The following STAU2 variants were observed in gnomAD, a reference collection of about 807,000 sequenced individuals.
STAU2 encodes double-stranded RNA-binding protein Staufen homolog 2.
STAU2 carries 20 observed loss-of-function variants against 65.9 expected under a neutral mutation model. The observed-to-expected ratio is 0.30, with a 90% confidence interval of 0.21 to 0.44. STAU2 has a LOEUF of 0.44. Among genes scored for constraint, STAU2 ranks in the 20% least tolerant of loss-of-function variants. The probability of loss-of-function intolerance (pLI) is 1.00; values close to 1 mark genes in which losing one functional copy is unlikely to be tolerated. For synonymous variants in STAU2, 232 were observed against 233.9 expected (o/e 0.99, Z 0.07); for missense variants, 558 against 683.9 (o/e 0.82, Z 2.05).
At chr8:73,582,677 C>A in intron 12 of STAU2, 93 bp downstream of exon 12, 1 of 1,170,260 alleles carries the variant, frequency 8.5e-7, no homozygotes, top group Non-Finnish European at 1.3e-6. Flanking sequence ...CACAGCCTCT[C>A]AGACCCAGAC....
chr8:73,598,768 A>G (rs895279340), intron 10 of STAU2, among the ~76,000 whole-genome samples: 3 of 152,160 alleles, frequency 2.0e-5, no homozygotes, highest in African/African-American at 7.2e-5. Flanking sequence ...TATATAAGGA[A>G]TCTAAGAAAC....
At chr8:73,562,496 G>C (rs1389904748) in intron 12 of STAU2, among the ~76,000 whole-genome samples, 3 of 152,114 alleles carry the variant, frequency 2.0e-5, no homozygotes, top group Admixed American at 6.6e-5. Context: ...TAGAGAGAGA[G>C]AGAGACTGAG....
chr8:73,559,310 T>C (rs1162617753), intron 12 of STAU2, among the ~76,000 whole-genome samples: 2 of 152,314 alleles, frequency 1.3e-5, no homozygotes, highest in Non-Finnish European at 1.5e-5. Context: ...TCCCTCAACA[T>C]AGAGACCCCA....
intron 13 of STAU2, among the ~76,000 whole-genome samples, chr8:73,472,808 G>A (rs1820105627): frequency 6.6e-6 from 1 of 151,984 alleles, no homozygotes; most frequent in Non-Finnish European, 1.5e-5. Context: ...CTGTATTAAG[G>A]GGTCATTTTA....
rs1554587645 is a variant in STAU2, at chr8:73,422,598, CAG to C, written c.1619+14_1619+15del. 6 of 1,491,786 alleles carry C rather than the reference CAG, an allele frequency of 4.0e-6. No individual in the cohort carries two copies. The South Asian group carries it at 5.3e-5, about 13-fold the overall frequency. 92.4% of individuals were successfully genotyped at this position (1,491,786 alleles called of 1,614,324 possible). A position where few individuals can be genotyped will look rare whatever the true frequency, so the allele number is the denominator to read the frequency against. On this transcript the variant is annotated intron_variant, in intron 14 of 14. Transcript: ENST00000524300. ...ACAATTAAAAGTGTAAGAATACTGA[CAG>C]GGGATTTACTCACTTTTCAAGAGAA... is the stretch of plus-strand genomic sequence containing the variant.
intron 13 of STAU2, among the ~76,000 whole-genome samples, chr8:73,433,007 C>A (rs531370740): frequency 1.3e-5 from 2 of 152,172 alleles, no homozygotes; most frequent in Non-Finnish European, 1.5e-5. Context: ...TTTCTGCAGT[C>A]AAGCTCTTAG....
chr8:73,698,597 G>A (rs1452171066), intron 4 of STAU2, among the ~76,000 whole-genome samples: 1 of 152,204 alleles, frequency 6.6e-6, no homozygotes, highest in Non-Finnish European at 1.5e-5. Context: ...AATTCAGCAA[G>A]AGGATATAAT....
At position 73,561,543 on chromosome 8, in the gene STAU2, C is replaced by T. The variant is rs773620862; in HGVS notation, c.1223-9224G>A. On this transcript the variant is annotated intron_variant, in intron 12 of 14. Coordinates refer to ENST00000524300, the MANE Select transcript of STAU2 (RefSeq NM_001164380.2). ...AACTCCATTAGTTATGATTTCCCTACGACAGAAAAACACCAAAAAATGGAT... is the reference window on the plus strand; with the variant it reads ...AACTCCATTAGTTATGATTTCCCTATGACAGAAAAACACCAAAAAATGGAT... The T allele has an allele frequency of 1.3e-4, 58 of 455,184 alleles. 1 individual carries two copies. The highest frequency in any genetic ancestry group is 4.0e-4 in the South Asian group (26 of 64,220). 28.2% of individuals were successfully genotyped at this position (455,184 alleles called of 1,614,324 possible). A position where few individuals can be genotyped will look rare whatever the true frequency, so the allele number is the denominator to read the frequency against.
intron 3 of STAU2, among the ~76,000 whole-genome samples, chr8:73,734,278 C>A (rs1372740187): frequency 1.4e-5 from 2 of 140,878 alleles, no homozygotes; most frequent in Non-Finnish European, 3.0e-5. Context: ...CTACAGTAAG[C>A]ATAAGTTGCA....
intron 6 of STAU2, among the ~76,000 whole-genome samples, chr8:73,642,251 G>A (rs1815044577): frequency 6.6e-6 from 1 of 152,178 alleles, no homozygotes; most frequent in Non-Finnish European, 1.5e-5. Flanking sequence ...TTTGCCAGGT[G>A]CGGTGGCTCA....
At chr8:73,579,001 A>C (rs1336855033) in intron 12 of STAU2, among the ~76,000 whole-genome samples, 8 of 148,326 alleles carry the variant, frequency 5.4e-5, no homozygotes, top group Non-Finnish European at 9.0e-5. Flanking sequence ...CCCCAAAAAA[A>C]CCAAAAAAAC....
chr8:73,734,180 C>T (rs754966415), intron 3 of STAU2, among the ~76,000 whole-genome samples: 1 of 149,782 alleles, frequency 6.7e-6, no homozygotes, highest in Non-Finnish European at 1.5e-5. Context: ...GTGATTATCT[C>T]TGTAATAGAA....
At chr8:73,599,860 C>G (rs969245556) in intron 10 of STAU2, among the ~76,000 whole-genome samples, 1 of 152,088 alleles carries the variant, frequency 6.6e-6, no homozygotes, top group Non-Finnish European at 1.5e-5. Context: ...CTCCGCCTCC[C>G]GGGTTCATGC....
At chr8:73,679,978 A>AT (rs1160379353) in intron 5 of STAU2, among the ~76,000 whole-genome samples, 46,767 of 81,386 alleles carry the variant, frequency 0.57, 14,972 homozygotes, top group Non-Finnish European at 0.64. Flanking sequence ...TAGGGAAGCC[A>AT]TTTTTTTTTT....
intron 12 of STAU2, among the ~76,000 whole-genome samples, chr8:73,575,825 A>C (rs77460590): frequency 5.9e-5 from 9 of 151,990 alleles, no homozygotes; most frequent in Non-Finnish European, 1.3e-4. Context: ...CACACACAAA[A>C]AACCACAAGT....
intron 13 of STAU2, among the ~76,000 whole-genome samples, chr8:73,520,054 G>A (rs1822958518): frequency 6.6e-6 from 1 of 152,218 alleles, no homozygotes; most frequent in Admixed American, 6.5e-5. Flanking sequence ...GAATGGGCCA[G>A]GCAGAGGGAA....
chr8:73,684,823 T>C (rs995556300), intron 5 of STAU2, among the ~76,000 whole-genome samples: 4 of 152,064 alleles, frequency 2.6e-5, no homozygotes, highest in Admixed American at 6.6e-5. Flanking sequence ...AAAGAAAATA[T>C]ACAAATGGCC....
intron 13 of STAU2, among the ~76,000 whole-genome samples, chr8:73,512,834 T>C (rs1320796703): frequency 1.3e-5 from 2 of 152,256 alleles, no homozygotes; most frequent in Non-Finnish European, 2.9e-5. Flanking sequence ...ATTTTTCATT[T>C]CGGTTATTGT....
chr8:73,567,180 T>C (rs1246030370), intron 12 of STAU2, among the ~76,000 whole-genome samples: 1 of 152,062 alleles, frequency 6.6e-6, no homozygotes, highest in African/African-American at 2.4e-5. Context: ...GCACCAACAA[T>C]GCCAGACACT....
Sources: allele counts gnomAD v4.1 joint callset (sites outside exome capture counted in the v4.1 genomes callset), GRCh38; gene constraint gnomAD v4.1.1; transcripts MANE v1.5; gene names NCBI Gene and HGNC (gene_info 2026-07-23, HGNC 2026-07-21).